INPP4B: variants seen among roughly 807,000 people sequenced by gnomAD.
The protein encoded by INPP4B is inositol polyphosphate 4-phosphatase type II.
In INPP4B, 55 loss-of-function variants were observed where a neutral mutation model predicts 122.5. The observed-to-expected ratio is 0.45, with a 90% CI of 0.36 to 0.56. The LOEUF (loss-of-function observed/expected upper bound fraction) is 0.56. Among genes scored for constraint, INPP4B ranks in the 20% least tolerant of loss-of-function variants. INPP4B has a pLI of 0.00. For synonymous variants in INPP4B, 403 were observed against 388.7 expected (o/e 1.04, Z -0.43); for missense variants, 1,000 against 1,097.7 (o/e 0.91, Z 1.26).
chr4:142,319,490 C>T (rs1407980830), intron 7 of INPP4B, among the ~76,000 whole-genome samples: 2 of 152,156 alleles, frequency 1.3e-5, no homozygotes, highest in East Asian at 3.9e-4. Context: ...TTGACTACAA[C>T]AGAAATGTTT....
intron 2 of INPP4B, among the ~76,000 whole-genome samples, chr4:142,698,527 C>T (rs139446916): frequency 1.8e-3 from 281 of 152,282 alleles, no homozygotes; most frequent in African/African-American, 6.2e-3. Context: ...ATCTCAATCA[C>T]AAGCATCTCA....
chr4:142,150,414 CT>C (rs1395811541), intron 17 of INPP4B, among the ~76,000 whole-genome samples: 3 of 152,170 alleles, frequency 2.0e-5, no homozygotes, highest in Admixed American at 6.5e-5. Context: ...GAAATAGCAG[CT>C]ATTATCTTGC....
chr4:142,461,254 C>T (rs2149589390), intron 3 of INPP4B, among the ~76,000 whole-genome samples: 1 of 152,292 alleles, frequency 6.6e-6, no homozygotes, highest in East Asian at 1.9e-4. Context: ...TACCCCAAGT[C>T]ATTTGCCTTA....
At chr4:142,323,443 CT>C (rs144904107) in intron 7 of INPP4B, among the ~76,000 whole-genome samples, 2,087 of 120,028 alleles carry the variant, frequency 0.017, 13 homozygotes, top group African/African-American at 0.053. Context: ...GTTATGATGA[CT>C]TTTTTTTTTT....
intron 11 of INPP4B, among the ~76,000 whole-genome samples, chr4:142,238,899 G>A (rs1005855182): frequency 6.6e-6 from 1 of 152,008 alleles, no homozygotes; most frequent in African/African-American, 2.4e-5. Flanking sequence ...ACACACCAAA[G>A]CTTAGTGGGC....
At chr4:142,073,936 C>A (rs1397371254) in intron 25 of INPP4B, among the ~76,000 whole-genome samples, 1 of 151,932 alleles carries the variant, frequency 6.6e-6, no homozygotes, top group Admixed American at 6.6e-5. Flanking sequence ...CTCTAATCAA[C>A]TGTAGGTTTT....
At chr4:142,474,501 GA>G (rs1291087462) in intron 2 of INPP4B, 1 of 152,346 alleles carries the variant, frequency 6.6e-6, no homozygotes, top group Non-Finnish European at 1.5e-5. Flanking sequence ...CAGGGTGAGT[GA>G]CCCCACCCAC....
intron 15 of INPP4B, among the ~76,000 whole-genome samples, chr4:142,175,209 CAG>C (rs1827553003): frequency 6.6e-6 from 1 of 152,048 alleles, no homozygotes; most frequent in Non-Finnish European, 1.5e-5. Context: ...ACATTTTTAT[CAG>C]CTCAATTATT....
At chr4:142,358,563 G>A (rs952110471) in intron 7 of INPP4B, among the ~76,000 whole-genome samples, 2 of 149,198 alleles carry the variant, frequency 1.3e-5, no homozygotes, top group African/African-American at 4.9e-5. Context: ...CTTCCCAGGA[G>A]CTTTTAAAAA....
At chr4:142,188,016 C>T (rs1203531470) in intron 15 of INPP4B, among the ~76,000 whole-genome samples, 3 of 152,016 alleles carry the variant, frequency 2.0e-5, no homozygotes, top group Non-Finnish European at 4.4e-5. Context: ...GAAGAGAGCA[C>T]CCAGTATGCT....
At chr4:142,776,239 T>C (rs551018963) in intron 1 of INPP4B, among the ~76,000 whole-genome samples, 35 of 152,236 alleles carry the variant, frequency 2.3e-4, no homozygotes, top group African/African-American at 7.7e-4. Flanking sequence ...ACAAGTTGAG[T>C]GTAGCTCATA....
intron 2 of INPP4B, among the ~76,000 whole-genome samples, chr4:142,466,317 C>T (rs1240402718): frequency 6.6e-6 from 1 of 152,142 alleles, no homozygotes; most frequent in African/African-American, 2.4e-5. Context: ...ATAAAAGTCA[C>T]CCTTCTCAAT....
intron 24 of INPP4B, among the ~76,000 whole-genome samples, chr4:142,085,843 T>C (rs1464129929): frequency 6.6e-6 from 1 of 152,184 alleles, no homozygotes. Flanking sequence ...ATACGGGCAA[T>C]TGACGTTGCA....
chr4:142,042,625 C>A (rs2322309), intron 25 of INPP4B, among the ~76,000 whole-genome samples: 1 of 151,634 alleles, frequency 6.6e-6, no homozygotes, highest in Non-Finnish European at 1.5e-5. Flanking sequence ...TGCAGTGATG[C>A]GATCTCAGCT....
At chr4:142,347,395 C>T (rs1780623957) in intron 7 of INPP4B, 1 of 303,496 alleles carries the variant, frequency 3.3e-6, no homozygotes, top group African/African-American at 2.3e-5. Flanking sequence ...TTGGCCAGTG[C>T]TCTGAGGGAA....
At chr4:142,764,064 TGA>T (rs74269677) in intron 1 of INPP4B, among the ~76,000 whole-genome samples, 4,410 of 152,274 alleles carry the variant, frequency 0.029, 73 homozygotes, top group South Asian at 0.05. Flanking sequence ...TAATAATTTA[TGA>T]GAGCGTAAAT....
At chr4:142,494,267 C>T (rs1297006288) in intron 2 of INPP4B, among the ~76,000 whole-genome samples, 1 of 152,000 alleles carries the variant, frequency 6.6e-6, no homozygotes, top group Non-Finnish European at 1.5e-5. Flanking sequence ...CAATTTGCAC[C>T]CTTAATTTAG....
chr4:142,636,729 T>C (rs897319069), intron 2 of INPP4B, among the ~76,000 whole-genome samples: 1 of 152,110 alleles, frequency 6.6e-6, no homozygotes, highest in Non-Finnish European at 1.5e-5. Flanking sequence ...ACAAGCAGAA[T>C]TACTTTTGCT....
intron 7 of INPP4B, among the ~76,000 whole-genome samples, chr4:142,355,391 T>G (rs1347259981): frequency 1.3e-5 from 2 of 151,998 alleles, no homozygotes; most frequent in Admixed American, 1.3e-4. Context: ...GAATATGTAT[T>G]TAAGGATAGA....
Sources: gnomAD v4.1 joint callset for allele counts (sites outside exome capture counted in the v4.1 genomes callset) on GRCh38, gnomAD v4.1.1 for gene constraint, MANE v1.5 for transcripts, NCBI Gene and HGNC (gene_info 2026-07-23, HGNC 2026-07-21) for gene names.